Variants in RBFOX1 observed in about 807,000 individuals in gnomAD.
The protein encoded by RBFOX1 is RNA binding protein fox-1 homolog 1.
In RBFOX1, 8 loss-of-function variants were observed where a neutral mutation model predicts 57.7. The observed-to-expected ratio is 0.14, with a 90% CI of 0.08 to 0.25. The LOEUF is 0.25. Ranked by LOEUF, RBFOX1 falls within the 10% of genes least tolerant of loss-of-function variation. RBFOX1 has a pLI of 1.00. For synonymous variants in RBFOX1, 326 were observed against 222.4 expected (o/e 1.47, Z -4.15); for missense variants, 611 against 548.5 (o/e 1.11, Z -1.14).
At chr16:5,730,712 G>A (rs73523903) in intron 3 of RBFOX1, among the ~76,000 whole-genome samples, 1 of 151,462 alleles carries the variant, frequency 6.6e-6, no homozygotes, top group Non-Finnish European at 1.5e-5. Context: ...ATCATTACCA[G>A]CTTATTATTA....
chr16:7,567,321 ATC>A lies in RBFOX1; in HGVS notation c.271-12453_271-12452del, dbSNP rs1567865732. On this transcript the variant is annotated intron_variant, in intron 5 of 15. Coordinates refer to ENST00000550418, the MANE Select transcript of RBFOX1 (RefSeq NM_018723.4). ...TATGGCCCTATATATATATATATATATCTCCCTATATATGGCCCTATATATAT... is the reference window on the plus strand; with the variant it reads ...TATGGCCCTATATATATATATATATATCCCTATATATGGCCCTATATATAT... Among the ~76,000 whole-genome samples the A allele has an allele frequency of 2.0e-4, 18 of 90,784 alleles. 4 individuals carry two copies. The highest frequency in any genetic ancestry group is 6.9e-4 in the South Asian group (2 of 2,886). 59.6% of individuals were successfully genotyped at this position (90,784 alleles called of 152,430 possible).
intron 3 of RBFOX1, among the ~76,000 whole-genome samples, chr16:6,801,341 T>G (rs1376212876): frequency 1.3e-5 from 2 of 152,166 alleles, no homozygotes; most frequent in Non-Finnish European, 2.9e-5. Flanking sequence ...AGGCTCTTGG[T>G]AATGGTCAGG....
chr16:6,129,440 A>G (rs888608800), intron 1 of RBFOX1, among the ~76,000 whole-genome samples: 8 of 152,182 alleles, frequency 5.3e-5, no homozygotes, highest in African/African-American at 7.2e-5. Flanking sequence ...GGACTAGTGA[A>G]TTTGAAGACA....
intron 3 of RBFOX1, among the ~76,000 whole-genome samples, chr16:6,679,689 C>T (rs757989528): frequency 2.0e-5 from 3 of 152,066 alleles, no homozygotes; most frequent in Non-Finnish European, 4.4e-5. Flanking sequence ...CTAAACTAAC[C>T]ACCACACCAT....
intron 7 of RBFOX1, among the ~76,000 whole-genome samples, chr16:7,595,091 C>T (rs1404048874): frequency 6.6e-6 from 1 of 152,186 alleles, no homozygotes; most frequent in Non-Finnish European, 1.5e-5. Context: ...CGGCATGACT[C>T]TGTAGGCAAT....
intron 3 of RBFOX1, among the ~76,000 whole-genome samples, chr16:5,747,680 C>G (rs1169064860): frequency 2.0e-5 from 3 of 151,966 alleles, no homozygotes; most frequent in Non-Finnish European, 2.9e-5. Flanking sequence ...GGTGTTTATA[C>G]TATTCTTTGA....
chr16:7,287,811 T>C (rs1450507047), intron 4 of RBFOX1, among the ~76,000 whole-genome samples: 1 of 152,204 alleles, frequency 6.6e-6, no homozygotes, highest in Non-Finnish European at 1.5e-5. Flanking sequence ...ATTTTACATA[T>C]ATGGGGTATT....
chr16:6,534,423 C>T (rs530731875), intron 2 of RBFOX1, among the ~76,000 whole-genome samples: 4 of 152,186 alleles, frequency 2.6e-5, no homozygotes, highest in Admixed American at 6.5e-5. Flanking sequence ...GTCTTTCACC[C>T]GCTAAGATGC....
intron 2 of RBFOX1, among the ~76,000 whole-genome samples, chr16:6,532,603 C>G (rs1197213501): frequency 2.6e-5 from 4 of 152,166 alleles, no homozygotes; most frequent in South Asian, 4.2e-4. Context: ...GAGCGGTAGT[C>G]CAGTTTGCTC....
At chr16:5,676,406 A>G (rs887428800) in intron 3 of RBFOX1, among the ~76,000 whole-genome samples, 1 of 152,164 alleles carries the variant, frequency 6.6e-6, no homozygotes, top group African/African-American at 2.4e-5. Context: ...ATTACATATC[A>G]TTTAGGAAGT....
At chr16:6,151,571 C>T (rs912025736) in intron 1 of RBFOX1, among the ~76,000 whole-genome samples, 4 of 152,202 alleles carry the variant, frequency 2.6e-5, no homozygotes, top group Non-Finnish European at 5.9e-5. Flanking sequence ...CAGGAGTGAG[C>T]CACTGCAACT....
chr16:6,631,532 T>G (rs1014227197), intron 2 of RBFOX1, among the ~76,000 whole-genome samples: 1 of 152,046 alleles, frequency 6.6e-6, no homozygotes, highest in Non-Finnish European at 1.5e-5. Flanking sequence ...AAGTGGAGGT[T>G]TTGTTCTGGG....
At chr16:7,344,899 C>T (rs760298033) in intron 4 of RBFOX1, among the ~76,000 whole-genome samples, 1 of 152,198 alleles carries the variant, frequency 6.6e-6, no homozygotes, top group Non-Finnish European at 1.5e-5. Flanking sequence ...GAGCAGAAGG[C>T]TAATGCGATA....
chr16:5,611,907 C>T (rs533352058), intron 3 of RBFOX1, among the ~76,000 whole-genome samples: 2 of 151,284 alleles, frequency 1.3e-5, no homozygotes, highest in East Asian at 3.9e-4. Context: ...GGAGGAGGAT[C>T]ACTTGAGGAC....
intron 2 of RBFOX1, among the ~76,000 whole-genome samples, chr16:6,620,516 T>C (rs912824582): frequency 7.9e-5 from 12 of 151,574 alleles, no homozygotes; most frequent in African/African-American, 2.2e-4. Flanking sequence ...CTGAAAGAGA[T>C]AGACACGAAA....
intron 4 of RBFOX1, among the ~76,000 whole-genome samples, chr16:7,226,355 C>T (rs1475191080): frequency 6.6e-6 from 1 of 152,194 alleles, no homozygotes; most frequent in African/African-American, 2.4e-5. Flanking sequence ...GTGTAATGCC[C>T]ACCTGAAGAG....
intron 3 of RBFOX1, among the ~76,000 whole-genome samples, chr16:5,817,231 T>C (rs1347674114): frequency 2.0e-5 from 3 of 152,192 alleles, no homozygotes; most frequent in Admixed American, 6.6e-5. Context: ...GGAGCAGCCA[T>C]GTTTCTATTA....
At chr16:6,465,981 C>T (rs1244281496) in intron 2 of RBFOX1, among the ~76,000 whole-genome samples, 1 of 151,924 alleles carries the variant, frequency 6.6e-6, no homozygotes, top group African/African-American at 2.4e-5. Context: ...GTAATCCTAG[C>T]ATATTGAGAG....
At chr16:5,937,834 T>A (rs1343990286) in intron 4 of RBFOX1, among the ~76,000 whole-genome samples, 1 of 150,802 alleles carries the variant, frequency 6.6e-6, no homozygotes, top group Non-Finnish European at 1.5e-5. Context: ...ATAGTATACA[T>A]ACATATATAT....
Sources: gnomAD v4.1 joint callset for allele counts (sites outside exome capture counted in the v4.1 genomes callset) on GRCh38, gnomAD v4.1.1 for gene constraint, MANE v1.5 for transcripts, NCBI Gene and HGNC (gene_info 2026-07-23, HGNC 2026-07-21) for gene names.